The following TTC39B variants were observed in gnomAD, a reference collection of about 807,000 sequenced individuals.
TTC39B encodes tetratricopeptide repeat protein 39B.
A neutral mutation model predicts 96.6 loss-of-function variants in TTC39B; 92 were observed. That is an observed-to-expected ratio of 0.95 (90% CI 0.80 to 1.13). TTC39B has a LOEUF of 1.13. TTC39B is among the 50% of genes most tolerant of loss of function. The pLI, the probability that TTC39B is intolerant of heterozygous loss-of-function variation, is 0.00. For synonymous variants in TTC39B, 367 were observed against 299.4 expected, an observed-to-expected ratio of 1.23 and a Z score of -2.33; for missense variants, 955 against 809.3, an observed-to-expected ratio of 1.18 and a Z score of -2.18.
At chr9:15,195,777 C>T (rs1819131444) in intron 8 of TTC39B, among the ~76,000 whole-genome samples, 1 of 151,656 alleles carries the variant, frequency 6.6e-6, no homozygotes, top group Non-Finnish European at 1.5e-5. Flanking sequence ...ACGAAGGTGG[C>T]TGCACTAAAC....
chr9:15,295,399 T>G (rs1197482242), intron 1 of TTC39B, among the ~76,000 whole-genome samples: 1 of 152,214 alleles, frequency 6.6e-6, no homozygotes, highest in East Asian at 1.9e-4. Flanking sequence ...TTGTGGCTGC[T>G]TGACCTAGTG....
At chr9:15,285,192 C>T (rs1240966627) in intron 1 of TTC39B, among the ~76,000 whole-genome samples, 2 of 151,718 alleles carry the variant, frequency 1.3e-5, no homozygotes, top group Non-Finnish European at 2.9e-5. Context: ...TGGCGTGAAC[C>T]CGGGAGGCGG....
At chr9:15,186,281 G>A (rs533001639) in intron 15 of TTC39B, among the ~76,000 whole-genome samples, 17 of 152,128 alleles carry the variant, frequency 1.1e-4, no homozygotes, top group East Asian at 1.9e-4. Flanking sequence ...GTTCATTACC[G>A]TCAGTGGAAA....
At chr9:15,291,058 A>G (rs1824172737) in intron 1 of TTC39B, among the ~76,000 whole-genome samples, 1 of 152,118 alleles carries the variant, frequency 6.6e-6, no homozygotes, top group Non-Finnish European at 1.5e-5. Flanking sequence ...TGAGAGGATA[A>G]AACTCTCACA....
chr9:15,288,864 G>T (rs1444120706), intron 1 of TTC39B, among the ~76,000 whole-genome samples: 1 of 152,186 alleles, frequency 6.6e-6, no homozygotes, highest in Non-Finnish European at 1.5e-5. Flanking sequence ...CCCATAAGGG[G>T]TTTGAGCATG....
At chr9:15,247,863 A>T (rs970535153) in intron 2 of TTC39B, among the ~76,000 whole-genome samples, 1 of 151,810 alleles carries the variant, frequency 6.6e-6, no homozygotes, top group South Asian at 2.1e-4. Flanking sequence ...AAAAAAAAAA[A>T]CGAGGGGGCT....
At chr9:15,181,184 C>T in intron 17 of TTC39B, among the ~76,000 whole-genome samples, 1 of 152,100 alleles carries the variant, frequency 6.6e-6, no homozygotes, top group East Asian at 1.9e-4. Context: ...CTGGAGTGCC[C>T]ATCTTTTTAC....
chr9:15,292,399 G>A (rs550254156), intron 1 of TTC39B, among the ~76,000 whole-genome samples: 1 of 152,242 alleles, frequency 6.6e-6, no homozygotes, highest in East Asian at 1.9e-4. Context: ...TGCACCAACA[G>A]TTATATAAAA....
chr9:15,262,502 CCAGTTTTATTTTAA>C (rs1313974809), intron 2 of TTC39B, among the ~76,000 whole-genome samples: 1 of 152,088 alleles, frequency 6.6e-6, no homozygotes, highest in African/African-American at 2.4e-5. Flanking sequence ...GTATGACCTA[CCAGTTTTATTTTAA>C]CAGTTTTATT....
intron 2 of TTC39B, among the ~76,000 whole-genome samples, chr9:15,227,951 T>C (rs66949048): frequency 0.092 from 14,009 of 152,228 alleles, 1,367 homozygotes; most frequent in East Asian, 0.59. Flanking sequence ...GTTTTACCTG[T>C]GTTTTACTTT....
chr9:15,211,527 G>T (rs757393230), intron 4 of TTC39B, 130 bp from the exon 5 acceptor site: 1 of 852,756 alleles, frequency 1.2e-6, no homozygotes, highest in Non-Finnish European at 1.6e-6. Context: ...GAAATTATAT[G>T]GGTGGTGAAA....
At chr9:15,234,296 C>T (rs1378464475) in intron 2 of TTC39B, among the ~76,000 whole-genome samples, 60 of 144,932 alleles carry the variant, frequency 4.1e-4, no homozygotes, top group Middle Eastern at 3.8e-3. Flanking sequence ...CCGCCCCATC[C>T]GGGAGGGAAG....
intron 6 of TTC39B, among the ~76,000 whole-genome samples, chr9:15,209,505 T>G (rs1480722388): frequency 6.6e-6 from 1 of 152,250 alleles, no homozygotes; most frequent in Non-Finnish European, 1.5e-5. Flanking sequence ...AGATGAATGC[T>G]AAGAATATAA....
chr9:15,237,531 G>A (rs1821840892), intron 2 of TTC39B, among the ~76,000 whole-genome samples: 1 of 151,694 alleles, frequency 6.6e-6, no homozygotes, highest in Non-Finnish European at 1.5e-5. Context: ...AGAAAACCTA[G>A]AGGAAATGGA....
chr9:15,287,854 G>C (rs1442309336), intron 1 of TTC39B, among the ~76,000 whole-genome samples: 1 of 149,658 alleles, frequency 6.7e-6, no homozygotes, highest in East Asian at 2.0e-4. Flanking sequence ...GCTGAGGCAG[G>C]AGAATGGCGT....
intron 2 of TTC39B, among the ~76,000 whole-genome samples, chr9:15,236,669 A>T (rs1821795145): frequency 6.6e-6 from 1 of 152,160 alleles, no homozygotes; most frequent in Non-Finnish European, 1.5e-5. Context: ...CCCAAGAAGA[A>T]CTCTCAAAAC....
chr9:15,169,650 G>T (rs1364455892), exon 20 of TTC39B: 1 of 152,096 alleles, frequency 6.6e-6, no homozygotes, highest in African/African-American at 2.4e-5. Context: ...CTTGAACATA[G>T]CAGGAAACAT....
intron 2 of TTC39B, among the ~76,000 whole-genome samples, chr9:15,228,646 T>C (rs1821262016): frequency 6.6e-6 from 1 of 152,204 alleles, no homozygotes; most frequent in Admixed American, 6.5e-5. Flanking sequence ...ATTTTATTTG[T>C]CTTGCTTCTT....
intron 2 of TTC39B, among the ~76,000 whole-genome samples, chr9:15,235,664 T>A (rs1746184150): frequency 6.6e-6 from 1 of 151,974 alleles, no homozygotes; most frequent in Non-Finnish European, 1.5e-5. Context: ...ATTTTTAGCA[T>A]CCTTAAAGAA....
Sources: gnomAD v4.1 joint callset for allele counts (sites outside exome capture counted in the v4.1 genomes callset) on GRCh38, gnomAD v4.1.1 for gene constraint, MANE v1.5 for transcripts, NCBI Gene and HGNC (gene_info 2026-07-23, HGNC 2026-07-21) for gene names.